The following ARL10 variants were observed in gnomAD, a reference collection of about 807,000 sequenced individuals.
ARL10 encodes the protein ADP-ribosylation factor-like protein 10.
Under a neutral mutation model 26.1 loss-of-function variants are expected in ARL10, and 23 were observed. That is an observed-to-expected ratio of 0.88 (90% CI 0.63 to 1.25). ARL10 has a LOEUF of 1.25. Ranked by LOEUF, ARL10 falls within the 50% of genes most tolerant of loss-of-function variation. The pLI, the probability that ARL10 is intolerant of heterozygous loss-of-function variation, is 0.00. For synonymous variants in ARL10, 138 were observed against 149.1 expected, an observed-to-expected ratio of 0.93 and a Z score of 0.54; for missense variants, 300 against 323.6, an observed-to-expected ratio of 0.93 and a Z score of 0.56.
intron 1 of ARL10, among the ~76,000 whole-genome samples, chr5:176,400,377 C>T (rs1219498194): frequency 6.6e-6 from 1 of 152,106 alleles, no homozygotes; most frequent in African/African-American, 2.4e-5. Context: ...TCCCATTTTA[C>T]AAGGGAGGAA....
chr5:176,370,770 G>A (rs564314477), intron 3 of ARL10, among the ~76,000 whole-genome samples: 1 of 152,268 alleles, frequency 6.6e-6, no homozygotes, highest in East Asian at 1.9e-4. Context: ...TTTAAATCTT[G>A]GGCCAGGGTT....
At position 176,372,138 on chromosome 5, in the gene ARL10, C is replaced by T. The variant is rs1768566490; in HGVS notation, c.*243C>T. The T allele has an allele frequency of 7.5e-7, 1 of 1,328,818 alleles. No homozygotes were observed. The highest frequency in any genetic ancestry group is 3.1e-5 in the Admixed American group (1 of 31,988). The allele number at this position is 1,328,818 out of a possible 1,614,324, so 82.3% of individuals were successfully genotyped here. Reference sequence around the variant, plus strand: ...AGGGTGGGGAGGATAGTGTCTGGCTCATTCCAGGCTGGAATGTGGATCCAG... The same window carrying T: ...AGGGTGGGGAGGATAGTGTCTGGCTTATTCCAGGCTGGAATGTGGATCCAG... On this transcript the variant is annotated 3_prime_UTR_variant, in exon 4 of 4. Transcript: ENST00000310389.
At chr5:176,410,210 A>G in the ARL10 span, 3 of 1,553,322 alleles carry the variant, frequency 1.9e-6, no homozygotes, top group Non-Finnish European at 2.7e-6. Flanking sequence ...GGTTACTGAG[A>G]CCAGGGCTGT....
At position 176,365,785 on chromosome 5, in the gene ARL10, C is replaced by T. The variant is rs982897829; in HGVS notation, c.183+39C>T. ...CGAGGCCTGCGGAAGGGCGGGCAGG[C>T]TGGGCTGCGACTCCGCGCATGTGGC... is the stretch of plus-strand genomic sequence containing the variant. On this transcript the variant is annotated intron_variant, in intron 1 of 3. Transcript: ENST00000310389. 9.7e-6 allele frequency: 12 copies of T among 1,232,104 alleles called. No individual in the cohort carries two copies. In the Admixed American group the frequency reaches 1.3e-4, roughly 13 times the overall value. The allele number at this position is 1,232,104 out of a possible 1,614,324, so 76.3% of individuals were successfully genotyped here.
At chr5:176,369,361 T>C in intron 3 of ARL10, 1 of 510,816 alleles carries the variant, frequency 2.0e-6, no homozygotes. Context: ...GCCTTCCGAG[T>C]AGCTGGGATT....
At chr5:176,389,668 G>C, downstream of ARL10, 1 of 612,016 alleles carries the variant, frequency 1.6e-6, no homozygotes, top group Non-Finnish European at 2.7e-6. Context: ...AAAAATCCTA[G>C]ATGCTGTTGT....
At chr5:176,411,229 GC>G in the ARL10 span, among the ~76,000 whole-genome samples, 1 of 152,102 alleles carries the variant, frequency 6.6e-6, no homozygotes, top group Admixed American at 6.5e-5. Context: ...CCATTCACAG[GC>G]CCCCTTGACT....
exon 2 of ARL10, chr5:176,388,543 G>A: frequency 1.9e-6 from 3 of 1,606,348 alleles, no homozygotes; most frequent in Non-Finnish European, 2.6e-6. Context: ...TGGGCATCGC[G>A]CTGACCACCG....
At chr5:176,406,696 G>T, downstream of ARL10, 1 of 1,287,802 alleles carries the variant, frequency 7.8e-7, no homozygotes, top group Non-Finnish European at 1.0e-6. Context: ...TGGACCCGCT[G>T]GTGGTGCACG....
chr5:176,389,613 G>T (rs1274249316), downstream of ARL10: 3 of 1,143,316 alleles, frequency 2.6e-6, no homozygotes, highest in Admixed American at 5.8e-5. Context: ...ATGTGTCGCT[G>T]GGGAGGAAGT....
downstream of ARL10, chr5:176,386,905 T>G: frequency 6.2e-7 from 1 of 1,613,972 alleles, no homozygotes; most frequent in Non-Finnish European, 8.5e-7. Flanking sequence ...CTCCATGGCC[T>G]TCACCTGCAG....
chr5:176,387,096 C>CT (rs1755918133), intron 1 of ARL10, among the ~76,000 whole-genome samples: 2 of 145,144 alleles, frequency 1.4e-5, no homozygotes, highest in Non-Finnish European at 3.0e-5. Flanking sequence ...TTTTCTTTTT[C>CT]TTTTTGAGAC....
chr5:176,388,850 G>A, downstream of ARL10: 1 of 1,614,116 alleles, frequency 6.2e-7, no homozygotes, highest in Non-Finnish European at 8.5e-7. Context: ...GATTCCGGAG[G>A]TCCCCTTTGA....
chr5:176,385,167 C>T (rs757138154), downstream of ARL10: 9 of 982,918 alleles, frequency 9.2e-6, no homozygotes, highest in Middle Eastern at 2.2e-4. Context: ...CAGATCAAGC[C>T]GCGAATGGTC....
intron 1 of ARL10, chr5:176,388,090 T>C: frequency 1.6e-6 from 1 of 623,980 alleles, no homozygotes; most frequent in Non-Finnish European, 2.9e-6. Context: ...TTGCTCAACG[T>C]CAGTTGAGCG....
downstream of ARL10, chr5:176,406,753 A>T (rs1337426418): frequency 2.4e-6 from 3 of 1,257,264 alleles, no homozygotes; most frequent in Admixed American, 7.4e-5. Context: ...TCTGTCTGGG[A>T]TCCTTGAAAG....
At chr5:176,388,542 C>T (rs776730232) in exon 2 of ARL10, 5 of 1,606,728 alleles carry the variant, frequency 3.1e-6, no homozygotes, top group Non-Finnish European at 4.3e-6. Flanking sequence ...TTGGGCATCG[C>T]GCTGACCACC....
downstream of ARL10, chr5:176,388,731 C>A (rs951554954): frequency 1.9e-6 from 3 of 1,539,194 alleles, no homozygotes; most frequent in African/African-American, 2.8e-5. Flanking sequence ...GTACAAGGCT[C>A]AATTTATTCG....
downstream of ARL10, among the ~76,000 whole-genome samples, chr5:176,383,399 C>T (rs1474677150): frequency 6.6e-6 from 1 of 152,234 alleles, no homozygotes; most frequent in Non-Finnish European, 1.5e-5. Context: ...GCATTGTGGA[C>T]ATCACCTCAT....
Sources: allele counts gnomAD v4.1 joint callset (sites outside exome capture counted in the v4.1 genomes callset), GRCh38; gene constraint gnomAD v4.1.1; transcripts MANE v1.5; gene names NCBI Gene and HGNC (gene_info 2026-07-23, HGNC 2026-07-21).